KIRREL3: variants seen among roughly 807,000 people sequenced by gnomAD.
KIRREL3 encodes the protein kirre like nephrin family adhesion molecule 3.
KIRREL3 carries 36 observed loss-of-function variants against 89.7 expected under a neutral mutation model. The observed-to-expected ratio is 0.40, with a 90% confidence interval of 0.31 to 0.53. The LOEUF (loss-of-function observed/expected upper bound fraction) is 0.53. Ranked by LOEUF, KIRREL3 falls within the 20% of genes least tolerant of loss-of-function variation. KIRREL3 has a pLI of 0.49. For synonymous variants in KIRREL3, 445 were observed against 441.4 expected (o/e 1.01, Z -0.10); for missense variants, 864 against 1,056.6 (o/e 0.82, Z 2.53).
At position 126,755,135 on chromosome 11, in the gene KIRREL3, A is replaced by G. The variant is rs1949449095; in HGVS notation, c.56-192223T>C. 6.6e-6 allele frequency among the ~76,000 whole-genome samples: 1 copy of G among 152,236 alleles called. No homozygotes were observed. The highest frequency in any genetic ancestry group is 2.1e-4 in the South Asian group (1 of 4,828). On this transcript the variant is annotated intron_variant, in intron 1 of 16. Coordinates refer to ENST00000525144, the MANE Select transcript of KIRREL3 (RefSeq NM_032531.4). The surrounding 1 kb of genome is among the most constrained non-coding windows in gnomAD (Gnocchi z 4.3). Reference sequence around the variant, plus strand: ...TAGTTTGTTTTAAATCTTGATTGGAAGAATTATCCTGACAAGAAAATTAGT... The same window carrying G: ...TAGTTTGTTTTAAATCTTGATTGGAGGAATTATCCTGACAAGAAAATTAGT...
At chr11:126,548,381 C>G (rs1338764521) in intron 2 of KIRREL3, among the ~76,000 whole-genome samples, 2 of 152,226 alleles carry the variant, frequency 1.3e-5, no homozygotes, top group African/African-American at 4.8e-5. Context: ...TGTGCCCTCA[C>G]ACAGAGCAGG....
At chr11:126,822,767 G>A (rs561234164) in intron 1 of KIRREL3, among the ~76,000 whole-genome samples, 9 of 152,254 alleles carry the variant, frequency 5.9e-5, no homozygotes, top group South Asian at 2.1e-4. Flanking sequence ...TGGGCTGGCC[G>A]GAAGAGCCAG....
At chr11:126,866,373 C>T (rs1944919452) in intron 1 of KIRREL3, among the ~76,000 whole-genome samples, 1 of 152,212 alleles carries the variant, frequency 6.6e-6, no homozygotes, top group Non-Finnish European at 1.5e-5. Context: ...CACTTAGATC[C>T]ATCCTGCACC....
chr11:126,471,756 G>A lies in KIRREL3; in HGVS notation c.591+1553C>T, dbSNP rs756102311. On this transcript the variant is annotated intron_variant, in intron 5 of 16. Coordinates refer to ENST00000525144, the MANE Select transcript of KIRREL3 (RefSeq NM_032531.4). The surrounding 1 kb of genome is among the most constrained non-coding windows in gnomAD (Gnocchi z 5.4). Reference sequence around the variant, plus strand: ...ATTGGTTGGTCTGCTTTGATATAAAGCCTGCTTGCTATCTCCAGGAATTAG... The same window carrying A: ...ATTGGTTGGTCTGCTTTGATATAAAACCTGCTTGCTATCTCCAGGAATTAG... Among the ~76,000 whole-genome samples the A allele has an allele frequency of 6.6e-6, 1 of 152,168 alleles. No homozygotes were observed. Among genetic ancestry groups the A allele is most frequent in the Non-Finnish European group, 1.5e-5 (1 of 68,036 alleles).
rs1321539935 is a variant in KIRREL3 at position 126,541,087 on chromosome 11, C to T, written c.134-14400G>A. Among the ~76,000 whole-genome samples, 8 of 152,192 alleles carry T rather than the reference C, an allele frequency of 5.3e-5. No individual in the cohort carries two copies. The highest frequency in any genetic ancestry group is 1.2e-4 in the Non-Finnish European group (8 of 68,030). On this transcript the variant is annotated intron_variant, in intron 2 of 16. Transcript: ENST00000525144. This position sits in a 1 kb window ranked among gnomAD's most constrained non-coding sequence, Gnocchi z 4.8. Reference sequence around the variant, plus strand: ...CAGCAGACAGAGTGCCCATCAACCCCTCTCAGAGGGCGTCAGCGTGGGCAC... The same window carrying T: ...CAGCAGACAGAGTGCCCATCAACCCTTCTCAGAGGGCGTCAGCGTGGGCAC...
At chr11:126,746,255 C>T (rs1240695348) in intron 1 of KIRREL3, among the ~76,000 whole-genome samples, 1 of 152,174 alleles carries the variant, frequency 6.6e-6, no homozygotes. Flanking sequence ...GAATGATGGG[C>T]CCTTGCCTTT....
chr11:126,894,545 A>AT (rs1393929354), intron 1 of KIRREL3, among the ~76,000 whole-genome samples: 1 of 144,352 alleles, frequency 6.9e-6, no homozygotes, highest in Non-Finnish European at 1.5e-5. Context: ...CTCATCTCAA[A>AT]AAAAAAAAAA....
At chr11:126,871,430 C>T (rs1470786442) in intron 1 of KIRREL3, among the ~76,000 whole-genome samples, 1 of 152,072 alleles carries the variant, frequency 6.6e-6, no homozygotes, top group African/African-American at 2.4e-5. Flanking sequence ...TCTTCAAAGG[C>T]TTCATATTTG....
At chr11:126,971,555 T>C (rs1949425207) in intron 1 of KIRREL3, among the ~76,000 whole-genome samples, 1 of 152,132 alleles carries the variant, frequency 6.6e-6, no homozygotes, top group South Asian at 2.1e-4. Context: ...CACATTACAT[T>C]AACTCAGCAG....
At chr11:126,835,644 G>A (rs1008554632) in intron 1 of KIRREL3, among the ~76,000 whole-genome samples, 1 of 152,144 alleles carries the variant, frequency 6.6e-6, no homozygotes, top group Admixed American at 6.5e-5. Flanking sequence ...AGTGCTATGG[G>A]GGCTCAGAGG....
intron 1 of KIRREL3, among the ~76,000 whole-genome samples, chr11:126,930,012 A>G (rs1337838191): frequency 2.6e-5 from 4 of 151,052 alleles, no homozygotes; most frequent in African/African-American, 9.7e-5. Context: ...AGGGGTGTGT[A>G]ATTTGTTCAT....
chr11:126,905,261 G>A lies in KIRREL3; in HGVS notation c.55+95194C>T, dbSNP rs779650386. On this transcript the variant is annotated intron_variant, in intron 1 of 16. Coordinates refer to ENST00000525144, the MANE Select transcript of KIRREL3 (RefSeq NM_032531.4). The surrounding 1 kb of genome is among the most constrained non-coding windows in gnomAD (Gnocchi z 5.0). The stretch of plus-strand genomic sequence containing the variant: ...AGGGGAGGGTGGGTGATATTTTTTA[G>A]TGAAGGAGATGCTTCCGGGGGGAGC... Among the ~76,000 whole-genome samples, 2 of 152,080 alleles carry A rather than the reference G, an allele frequency of 1.3e-5. No individual in the cohort carries two copies. Among genetic ancestry groups the A allele is most frequent in the Non-Finnish European group, 2.9e-5 (2 of 68,028 alleles).
intron 1 of KIRREL3, among the ~76,000 whole-genome samples, chr11:126,839,021 G>T (rs1592203632): frequency 6.6e-6 from 1 of 152,268 alleles, no homozygotes; most frequent in East Asian, 1.9e-4. Flanking sequence ...TGCCTCCAAG[G>T]GAGGACTTGG....
chr11:126,998,908 C>T (rs980827060), intron 1 of KIRREL3, among the ~76,000 whole-genome samples: 16 of 143,768 alleles, frequency 1.1e-4, no homozygotes, highest in Middle Eastern at 3.5e-3. Context: ...GAAGCAAAGA[C>T]GAATGGGAGT....
At chr11:126,964,819 A>C (rs896735310) in intron 1 of KIRREL3, among the ~76,000 whole-genome samples, 20 of 152,172 alleles carry the variant, frequency 1.3e-4, no homozygotes, top group Non-Finnish European at 2.5e-4. Context: ...TATTTGCCCC[A>C]AGGTGAATAA....
intron 1 of KIRREL3, among the ~76,000 whole-genome samples, chr11:126,572,206 G>A (rs1465485426): frequency 1.3e-5 from 2 of 152,188 alleles, no homozygotes; most frequent in African/African-American, 4.8e-5. Context: ...AGGCAATAAG[G>A]AGGCAGGCAA....
At position 126,424,561 on chromosome 11, in the gene KIRREL3, C is replaced by CA; in HGVS notation, c.*18dup. 6.2e-7 allele frequency: 1 copy of CA among 1,611,696 alleles called. No individual in the cohort carries two copies. Among genetic ancestry groups the CA allele is most frequent in the Non-Finnish European group, 8.5e-7 (1 of 1,178,788 alleles). On this transcript the variant is annotated 3_prime_UTR_variant, in exon 17 of 17. Coordinates refer to ENST00000525144, the MANE Select transcript of KIRREL3 (RefSeq NM_032531.4). ...CCTGACCTCTTCCCTGGCCCGTCCC[C>CA]ACCCGCGGTGTGTGATCCTTAGACG...
Position 126,521,494 on chromosome 11 carries a change from T to G in KIRREL3, c.284-30A>C, listed in dbSNP as rs768201477. 1.3e-6 allele frequency: 2 copies of G among 1,559,516 alleles called. No homozygotes were observed. Among genetic ancestry groups the G allele is most frequent in the Non-Finnish European group, 1.7e-6 (2 of 1,152,114 alleles). ...GGAGACAACAGGCAGGTCAGGGAGCTGGGGTGGGGTGGAGGGGACACCCAT... is the reference window on the plus strand; with the variant it reads ...GGAGACAACAGGCAGGTCAGGGAGCGGGGGTGGGGTGGAGGGGACACCCAT... On this transcript the variant is annotated intron_variant, in intron 3 of 16. Coordinates refer to ENST00000525144, the MANE Select transcript of KIRREL3 (RefSeq NM_032531.4). The surrounding 1 kb of genome is among the most constrained non-coding windows in gnomAD (Gnocchi z 4.1).
At chr11:126,939,673 C>T (rs915323306) in intron 1 of KIRREL3, among the ~76,000 whole-genome samples, 2 of 152,158 alleles carry the variant, frequency 1.3e-5, no homozygotes, top group African/African-American at 4.8e-5. Context: ...AAGCATCTCC[C>T]CTTCCTTCAG....
Sources: gnomAD v4.1 joint callset for allele counts (sites outside exome capture counted in the v4.1 genomes callset) on GRCh38, gnomAD v4.1.1 for gene constraint, Gnocchi (gnomAD v3.1) non-coding constraint, MANE v1.5 for transcripts, NCBI Gene and HGNC (gene_info 2026-07-23, HGNC 2026-07-21) for gene names.